Variants in IQCK observed in about 807,000 individuals in gnomAD.
The protein encoded by IQCK is IQ motif containing K, also known as IQ domain-containing protein K.
A neutral mutation model predicts 28.1 loss-of-function variants in IQCK; 29 were observed. That is an observed-to-expected ratio of 1.03 (90% CI 0.77 to 1.41). The LOEUF is 1.41. IQCK is among the 40% of genes most tolerant of loss of function. IQCK has a pLI of 0.00. For synonymous variants in IQCK, 113 were observed against 115.1 expected (o/e 0.98, Z 0.12); for missense variants, 359 against 314.7 (o/e 1.14, Z -1.07).
intron 4 of IQCK, among the ~76,000 whole-genome samples, chr16:19,746,327 C>A (rs1278830534): frequency 7.4e-6 from 1 of 134,660 alleles, no homozygotes; most frequent in Non-Finnish European, 1.5e-5. Context: ...AACTGTGTTA[C>A]AAACAATCCA....
At chr16:19,745,855 G>A (rs2054903800) in intron 4 of IQCK, among the ~76,000 whole-genome samples, 1 of 152,136 alleles carries the variant, frequency 6.6e-6, no homozygotes, top group African/African-American at 2.4e-5. Context: ...GCTAGCTGGG[G>A]CACTTCGGTT....
chr16:19,849,075 G>C lies in IQCK; in HGVS notation c.803-7412G>C, dbSNP rs564852378. On this transcript the variant is annotated intron_variant, in intron 9 of 9. Transcript: ENST00000320394. ...CTTCCTGCCTTTCTCCCATCTTTGG[G>C]CTCTAATTGCAGCAATACTGTTTAG... 3.9e-5 allele frequency among the ~76,000 whole-genome samples: 6 copies of C among 151,978 alleles called. No homozygotes were observed. In the South Asian group the frequency reaches 6.2e-4, roughly 16 times the overall value.
At chr16:19,845,494 A>C (rs2056406830) in intron 9 of IQCK, among the ~76,000 whole-genome samples, 1 of 152,212 alleles carries the variant, frequency 6.6e-6, no homozygotes, top group African/African-American at 2.4e-5. Context: ...CACACCCATG[A>C]CTCACTCGGC....
intron 7 of IQCK, among the ~76,000 whole-genome samples, chr16:19,822,849 T>C (rs1012182579): frequency 6.6e-6 from 1 of 152,226 alleles, no homozygotes; most frequent in Non-Finnish European, 1.5e-5. Context: ...CAGTTTATGC[T>C]ACGTGTATTT....
chr16:19,846,803 G>A (rs2056419552), intron 9 of IQCK, among the ~76,000 whole-genome samples: 2 of 152,040 alleles, frequency 1.3e-5, no homozygotes, highest in African/African-American at 4.8e-5. Flanking sequence ...CTAGTTGGGG[G>A]CAGAGGGGCA....
intron 4 of IQCK, 51 bp from the exon 5 acceptor site, chr16:19,763,797 T>A (rs1405802249): frequency 7.2e-7 from 1 of 1,382,614 alleles, no homozygotes; most frequent in East Asian, 2.3e-5. Flanking sequence ...GCAGTTCAAA[T>A]CCATAGTGTT....
In IQCK at chr16:19,763,837, T is replaced by A; in HGVS notation, c.475-11T>A. 6.2e-7 allele frequency: 1 copy of A among 1,602,800 alleles called. No homozygotes were observed. Among genetic ancestry groups the A allele is most frequent in the Non-Finnish European group, 8.5e-7 (1 of 1,169,814 alleles). On this transcript the variant is annotated splice_polypyrimidine_tract_variant and intron_variant, in intron 4 of 7. Transcript: ENST00000564186. ...GGTCAGTTGTAATTTAATTATCTCTTCTCTCTTCAGAGGAAAAGAACCAAA... is the reference window on the plus strand; with the variant it reads ...GGTCAGTTGTAATTTAATTATCTCTACTCTCTTCAGAGGAAAAGAACCAAA...
chr16:19,832,604 C>G (rs1002029345), intron 9 of IQCK, among the ~76,000 whole-genome samples: 1 of 152,082 alleles, frequency 6.6e-6, no homozygotes, highest in African/African-American at 2.4e-5. Flanking sequence ...CCTAGGCTGA[C>G]AAATACAAAT....
intron 7 of IQCK, among the ~76,000 whole-genome samples, chr16:19,805,096 C>A (rs1431638958): frequency 6.6e-6 from 1 of 152,128 alleles, no homozygotes; most frequent in African/African-American, 2.4e-5. Context: ...AGCCCTGTCT[C>A]TGGCTTTCCT....
chr16:19,832,947 C>T (rs756594149), intron 9 of IQCK, among the ~76,000 whole-genome samples: 1 of 152,136 alleles, frequency 6.6e-6, no homozygotes, highest in Non-Finnish European at 1.5e-5. Flanking sequence ...CACCTCCCAC[C>T]AGATCCCTCC....
intron 7 of IQCK, among the ~76,000 whole-genome samples, chr16:19,816,724 T>C (rs1376685813): frequency 6.6e-6 from 1 of 152,240 alleles, no homozygotes; most frequent in Non-Finnish European, 1.5e-5. Context: ...CTTGGTTCCA[T>C]GTACTAATAG....
chr16:19,738,348 C>T (rs2054784723), intron 4 of IQCK, among the ~76,000 whole-genome samples: 1 of 152,182 alleles, frequency 6.6e-6, no homozygotes, highest in South Asian at 2.1e-4. Flanking sequence ...AGAAGATATG[C>T]TTCTATTTCA....
At chr16:19,749,174 A>G (rs1220386671) in intron 4 of IQCK, among the ~76,000 whole-genome samples, 1 of 152,236 alleles carries the variant, frequency 6.6e-6, no homozygotes, top group Non-Finnish European at 1.5e-5. Context: ...TTATCCAGGA[A>G]ATAGAGAAGA....
chr16:19,826,574 C>T (rs745700767), intron 7 of IQCK, among the ~76,000 whole-genome samples: 19 of 152,170 alleles, frequency 1.2e-4, no homozygotes, highest in Non-Finnish European at 2.6e-4. Flanking sequence ...GAGGGGGTTT[C>T]ACCATGTTGG....
intron 4 of IQCK, among the ~76,000 whole-genome samples, chr16:19,747,681 C>T (rs7198355): frequency 6.6e-6 from 1 of 152,104 alleles, no homozygotes; most frequent in Non-Finnish European, 1.5e-5. Flanking sequence ...TGTCATTCCA[C>T]TCTATCCATC....
intron 9 of IQCK, among the ~76,000 whole-genome samples, chr16:19,832,736 A>G (rs1162718189): frequency 6.6e-6 from 1 of 152,196 alleles, no homozygotes; most frequent in African/African-American, 2.4e-5. Context: ...GGTTTAATTG[A>G]CTTACAGTTC....
At chr16:19,727,793 C>A (rs1429503411) in intron 1 of IQCK, among the ~76,000 whole-genome samples, 7 of 151,992 alleles carry the variant, frequency 4.6e-5, no homozygotes, top group African/African-American at 1.7e-4. Context: ...AACAATTCCA[C>A]ACTATAGCAA....
At chr16:19,743,629 C>T (rs1414737679) in intron 4 of IQCK, among the ~76,000 whole-genome samples, 1 of 152,146 alleles carries the variant, frequency 6.6e-6, no homozygotes, top group Non-Finnish European at 1.5e-5. Flanking sequence ...TGTACAGCAC[C>T]AGGGCTAACC....
chr16:19,827,129 A>T, exon 8 of IQCK: 1 of 1,610,300 alleles, frequency 6.2e-7, no homozygotes, highest in Non-Finnish European at 8.5e-7. Flanking sequence ...GCCAAGCAAG[A>T]ACAAAAAGGT....
Sources: gnomAD v4.1 joint callset for allele counts (sites outside exome capture counted in the v4.1 genomes callset) on GRCh38, gnomAD v4.1.1 for gene constraint, MANE v1.5 for transcripts, NCBI Gene and HGNC (gene_info 2026-07-23, HGNC 2026-07-21) for gene names.